The following TMEM132C variants were observed in gnomAD, a reference collection of about 807,000 sequenced individuals.
The protein encoded by TMEM132C is protein phosphatase 1, regulatory subunit 152.
Under a neutral mutation model 61.4 loss-of-function variants are expected in TMEM132C, and 29 were observed. The ratio of observed to expected loss-of-function variants is 0.47; its 90% confidence interval spans 0.35 to 0.64. The LOEUF (loss-of-function observed/expected upper bound fraction) is 0.64, where lower values mean the gene tolerates loss of function less well. Among genes scored for constraint, TMEM132C ranks in the 30% least tolerant of loss-of-function variants. TMEM132C has a pLI of 0.00. For missense variants in TMEM132C, 1,408 were observed against 1,476.9 expected, an observed-to-expected ratio of 0.95 and a Z score of 0.76; for synonymous variants, 656 against 633.1, an observed-to-expected ratio of 1.04 and a Z score of -0.54.
intron 1 of TMEM132C, among the ~76,000 whole-genome samples, chr12:128,337,740 T>C (rs1159727255): frequency 6.6e-6 from 1 of 152,206 alleles, no homozygotes; most frequent in South Asian, 2.1e-4. Flanking sequence ...CTGTTTCTTT[T>C]CTTTGGGAGA....
intron 2 of TMEM132C, among the ~76,000 whole-genome samples, chr12:128,504,252 A>T (rs532189962): frequency 1.2e-4 from 19 of 152,294 alleles, no homozygotes; most frequent in Non-Finnish European, 2.8e-4. Flanking sequence ...CCCAGAAGTC[A>T]CACAACACAC....
chr12:128,610,225 G>A (rs951563575), intron 3 of TMEM132C, among the ~76,000 whole-genome samples: 9 of 152,178 alleles, frequency 5.9e-5, no homozygotes, highest in Non-Finnish European at 1.2e-4. Context: ...CTCCTGAAGC[G>A]GCTTCCCTAT....
chr12:128,496,535 T>G (rs1018643064), intron 2 of TMEM132C, among the ~76,000 whole-genome samples: 2 of 152,220 alleles, frequency 1.3e-5, no homozygotes, highest in African/African-American at 4.8e-5. Flanking sequence ...TTCATTTCTT[T>G]TTATTCTTTT....
chr12:128,407,491 A>G (rs1875386178), intron 1 of TMEM132C, among the ~76,000 whole-genome samples: 1 of 152,136 alleles, frequency 6.6e-6, no homozygotes, highest in Admixed American at 6.5e-5. Flanking sequence ...AGGCTTGATC[A>G]TGTTCAAGGC....
At chr12:128,303,377 G>A (rs1432010493) in intron 1 of TMEM132C, among the ~76,000 whole-genome samples, 1 of 152,170 alleles carries the variant, frequency 6.6e-6, no homozygotes, top group Non-Finnish European at 1.5e-5. Context: ...CAGATATTCT[G>A]ATAGTAAAGC....
At position 128,415,819 on chromosome 12, in the gene TMEM132C, G is replaced by C. The variant is rs1441605130; in HGVS notation, c.974+199G>C. Among the ~76,000 whole-genome samples, 2 of 152,174 alleles carry C rather than the reference G, an allele frequency of 1.3e-5. No homozygotes were observed. The highest frequency in any genetic ancestry group is 4.8e-5 in the African/African-American group (2 of 41,464). ...CTTACACCGTGGGTTATGGAGGGAA[G>C]AAGAGGCAAAGGGCGGGCAGAAATT... On this transcript the variant is annotated intron_variant, in intron 2 of 8. Transcript: ENST00000435159. This position sits in a 1 kb window ranked among gnomAD's most constrained non-coding sequence, Gnocchi z 5.8.
chr12:128,687,201 CAAAA>C (rs55934804), intron 5 of TMEM132C, among the ~76,000 whole-genome samples: 1 of 114,468 alleles, frequency 8.7e-6, no homozygotes, highest in Non-Finnish European at 1.7e-5. Flanking sequence ...GACTCTGTCT[CAAAA>C]AAAAAAAAAA....
At chr12:128,456,126 A>G (rs1309895512) in intron 2 of TMEM132C, among the ~76,000 whole-genome samples, 1 of 152,014 alleles carries the variant, frequency 6.6e-6, no homozygotes, top group Non-Finnish European at 1.5e-5. Context: ...TCTGCCCTGC[A>G]CCAGAGGGAG....
intron 1 of TMEM132C, among the ~76,000 whole-genome samples, chr12:128,328,599 C>A (rs544915336): frequency 1.3e-5 from 2 of 152,000 alleles, no homozygotes; most frequent in East Asian, 3.9e-4. Flanking sequence ...CCAGCCTGAC[C>A]AACATGGTGA....
chr12:128,447,871 C>T (rs192123367), intron 2 of TMEM132C, among the ~76,000 whole-genome samples: 1,769 of 135,804 alleles, frequency 0.013, 232 homozygotes, highest in Admixed American at 0.063. Context: ...GGACTACAGG[C>T]GCCCGCCACC....
At chr12:128,596,545 C>T (rs931181171) in intron 3 of TMEM132C, among the ~76,000 whole-genome samples, 42 of 143,500 alleles carry the variant, frequency 2.9e-4, no homozygotes, top group African/African-American at 1.1e-3. Flanking sequence ...TCACTGATCC[C>T]TGTTCTGTCC....
intron 2 of TMEM132C, among the ~76,000 whole-genome samples, chr12:128,500,959 A>G (rs1872155252): frequency 6.6e-6 from 1 of 152,244 alleles, no homozygotes; most frequent in East Asian, 1.9e-4. Context: ...AGAAGAATTG[A>G]TAAGCCAAAT....
chr12:128,398,235 C>T (rs1410297114), intron 1 of TMEM132C, among the ~76,000 whole-genome samples: 1 of 152,254 alleles, frequency 6.6e-6, no homozygotes, highest in Non-Finnish European at 1.5e-5. Flanking sequence ...CCTGACCTTT[C>T]TTTCCACGAT....
intron 5 of TMEM132C, among the ~76,000 whole-genome samples, chr12:128,677,505 G>A (rs1401543983): frequency 1.3e-5 from 2 of 152,140 alleles, no homozygotes; most frequent in Non-Finnish European, 2.9e-5. Flanking sequence ...TGGTCCTCAA[G>A]GAGGGGACAC....
In TMEM132C at chr12:128,309,449, A is replaced by G. The variant is rs561870660; in HGVS notation, c.85+41962A>G. On this transcript the variant is annotated intron_variant, in intron 1 of 8. Transcript: ENST00000435159. ...TTCAGTGGTATTCAGCGCATTCACA[A>G]TGGTGTGCAACCATCACATCTCTCT... Among the ~76,000 whole-genome samples the G allele has an allele frequency of 4.6e-5, 7 of 152,314 alleles. No homozygotes were observed. In the East Asian group the frequency reaches 1.4e-3, roughly 30 times the overall value.
intron 1 of TMEM132C, among the ~76,000 whole-genome samples, chr12:128,338,072 C>T (rs1872837370): frequency 6.7e-6 from 1 of 150,160 alleles, no homozygotes; most frequent in Non-Finnish European, 1.5e-5. Context: ...TCCGAGGTAG[C>T]GTTTTACATC....
chr12:128,578,521 C>T (rs1310398476), intron 3 of TMEM132C, among the ~76,000 whole-genome samples: 5 of 152,186 alleles, frequency 3.3e-5, no homozygotes, highest in Non-Finnish European at 7.3e-5. Context: ...TTATCAGATG[C>T]AAATGACTTT....
Position 128,693,901 on chromosome 12 carries a change from T to C in TMEM132C, c.1522T>C (p.Phe508Leu). Residue 508 changes from phenylalanine to leucine, a missense_variant, in exon 6 of 9, where the codon TTC (phenylalanine) becomes CTC (leucine). By Grantham distance (22) the Phe-to-Leu change is conservative. Transcript: ENST00000435159. ...AGGAAAGATGGATGCGGTGGTGAACTTCACATACCAGTACCTGAGCGCCCC... is the reference window on the plus strand; with the variant it reads ...AGGAAAGATGGATGCGGTGGTGAACCTCACATACCAGTACCTGAGCGCCCC... ...IKGKMDAVVNFTYQYLSAPLC... is the reference protein window; with the variant it reads ...IKGKMDAVVNLTYQYLSAPLC... 3 of 1,551,740 alleles carry C rather than the reference T, an allele frequency of 1.9e-6. No homozygotes were observed. Among genetic ancestry groups the C allele is most frequent in the East Asian group, 2.4e-5 (1 of 40,920 alleles).
At chr12:128,477,632 T>C (rs1039756865) in intron 2 of TMEM132C, among the ~76,000 whole-genome samples, 3 of 152,154 alleles carry the variant, frequency 2.0e-5, no homozygotes, top group Admixed American at 1.3e-4. Flanking sequence ...CAAGCTGGAG[T>C]GCAGTGGTGC....
Sources: gnomAD v4.1 joint callset for allele counts (sites outside exome capture counted in the v4.1 genomes callset) on GRCh38, gnomAD v4.1.1 for gene constraint, Gnocchi (gnomAD v3.1) non-coding constraint, MANE v1.5 for transcripts, NCBI Gene and HGNC (gene_info 2026-07-23, HGNC 2026-07-21) for gene names.